CTNNA2: variants seen among roughly 807,000 people sequenced by gnomAD.
CTNNA2 encodes catenin alpha-2.
Under a neutral mutation model 101.0 loss-of-function variants are expected in CTNNA2, and 42 were observed. That is an observed-to-expected ratio of 0.42 (90% CI 0.32 to 0.54). CTNNA2 has a LOEUF of 0.54. Among genes scored for constraint, CTNNA2 ranks in the 20% least tolerant of loss-of-function variants. The pLI, the probability that CTNNA2 is intolerant of heterozygous loss-of-function variation, is 0.14. For missense variants in CTNNA2, 871 were observed against 1,223.1 expected (o/e 0.71, Z 4.29); for synonymous variants, 450 against 456.4 (o/e 0.99, Z 0.18).
rs1680101613 is a variant in CTNNA2 at position 79,844,979 on chromosome 2, T to TACACACACACACACACAG, written c.299-13017_299-13016insGACACACACACACACACA. On this transcript the variant is annotated intron_variant, in intron 3 of 18. Transcript: ENST00000402739. ...GGAGGGATAAAGAATGAAAACAAAC[T>TACACACACACACACACAG]ACACACACACACACACACACACATA... Among the ~76,000 whole-genome samples the TACACACACACACACACAG allele has an allele frequency of 3.6e-5, 5 of 140,214 alleles. No individual in the cohort carries two copies. In the Admixed American group the frequency reaches 3.6e-4, roughly 10 times the overall value. The allele number at this position is 140,214 out of a possible 152,430, so 92.0% of individuals were successfully genotyped here.
intron 4 of CTNNA2, among the ~76,000 whole-genome samples, chr2:79,388,783 C>CT (rs138737238): frequency 0.067 from 10,066 of 149,304 alleles, 1,084 homozygotes; most frequent in African/African-American, 0.23. Context: ...TCTCTCTCCT[C>CT]TTTTTTTTTT....
At position 79,989,990 on chromosome 2, in the gene CTNNA2, G is replaced by A. The variant is rs17018364; in HGVS notation, c.1056+80193G>A. 8.0e-3 allele frequency among the ~76,000 whole-genome samples: 1,214 copies of A among 152,258 alleles called. 9 individuals are homozygous for A. Among genetic ancestry groups the A allele is most frequent in the African/African-American group, 0.028 (1,143 of 41,546 alleles). On this transcript the variant is annotated intron_variant, in intron 7 of 18. Transcript: ENST00000402739. ...CCCCTAGCAGCTGATGTAATATTTGGACTTGGATCTCAAATTCATGAGGAT... is the reference window on the plus strand; with the variant it reads ...CCCCTAGCAGCTGATGTAATATTTGAACTTGGATCTCAAATTCATGAGGAT...
chr2:79,987,408 G>T (rs1691844800), intron 7 of CTNNA2, among the ~76,000 whole-genome samples: 1 of 152,188 alleles, frequency 6.6e-6, no homozygotes, highest in Non-Finnish European at 1.5e-5. Context: ...CTGGGTTCAA[G>T]TCCCACCTGT....
intron 4 of CTNNA2, among the ~76,000 whole-genome samples, chr2:79,444,478 G>A (rs1678810552): frequency 6.6e-6 from 1 of 152,072 alleles, no homozygotes; most frequent in Non-Finnish European, 1.5e-5. Context: ...AAGAAGAGAA[G>A]TAACTAGAAA....
rs78716737 is a variant in CTNNA2 at position 79,593,672 on chromosome 2, C to T, written c.-5-57880C>T. Among the ~76,000 whole-genome samples the T allele has an allele frequency of 4.1e-3, 619 of 152,172 alleles. 4 individuals are homozygous for T. Among genetic ancestry groups the T allele is most frequent in the African/African-American group, 0.014 (577 of 41,534 alleles). ...CAGTGTGGCTGAAATGCTGACTCAGCATCTTTCTTGTGTCTGTCACTCCCC... is the reference window on the plus strand; with the variant it reads ...CAGTGTGGCTGAAATGCTGACTCAGTATCTTTCTTGTGTCTGTCACTCCCC... On this transcript the variant is annotated intron_variant, in intron 1 of 18. Coordinates refer to ENST00000402739, the MANE Select transcript of CTNNA2 (RefSeq NM_001282597.3).
intron 3 of CTNNA2, among the ~76,000 whole-genome samples, chr2:79,750,871 CA>C (rs561864179): frequency 2.5e-3 from 288 of 113,228 alleles, no homozygotes; most frequent in Admixed American, 3.0e-3. Flanking sequence ...GACTCTGTCT[CA>C]AAAAAAAAAA....
At chr2:80,544,269 G>A (rs1446047180) in intron 9 of CTNNA2, among the ~76,000 whole-genome samples, 2 of 151,468 alleles carry the variant, frequency 1.3e-5, no homozygotes, top group Admixed American at 1.3e-4. Flanking sequence ...GGGAAAAGAA[G>A]ACATTCAAAT....
intron 4 of CTNNA2, among the ~76,000 whole-genome samples, chr2:79,375,025 A>G (rs1361067091): frequency 1.3e-5 from 2 of 152,164 alleles, no homozygotes; most frequent in Non-Finnish European, 2.9e-5. Flanking sequence ...AGCATAATAG[A>G]GTTGCTCATT....
At chr2:80,423,403 ATACTC>A (rs1680707269) in intron 9 of CTNNA2, among the ~76,000 whole-genome samples, 1 of 152,220 alleles carries the variant, frequency 6.6e-6, no homozygotes, top group Admixed American at 6.5e-5. Flanking sequence ...TGGGTCCAAT[ATACTC>A]AAAACTTATA....
chr2:79,405,906 G>A (rs1027793870), intron 4 of CTNNA2, among the ~76,000 whole-genome samples: 2 of 151,984 alleles, frequency 1.3e-5, no homozygotes, highest in Non-Finnish European at 2.9e-5. Flanking sequence ...TTGTGGATGG[G>A]TCATCTGTCT....
chr2:79,403,961 A>G (rs981195315), intron 4 of CTNNA2, among the ~76,000 whole-genome samples: 1 of 151,992 alleles, frequency 6.6e-6, no homozygotes, highest in African/African-American at 2.4e-5. Context: ...AAACAGTCAC[A>G]GTCCTGGATG....
At chr2:79,422,099 G>C (rs1464102826) in intron 4 of CTNNA2, among the ~76,000 whole-genome samples, 1 of 152,168 alleles carries the variant, frequency 6.6e-6, no homozygotes, top group Non-Finnish European at 1.5e-5. Flanking sequence ...GTTGCAGTGA[G>C]CTGAGATCGC....
At chr2:79,580,229 C>G (rs749910765) in intron 1 of CTNNA2, among the ~76,000 whole-genome samples, 2 of 152,060 alleles carry the variant, frequency 1.3e-5, no homozygotes, top group Admixed American at 1.3e-4. Context: ...AATCATGAAT[C>G]CTGACAAGCA....
chr2:80,089,524 A>T (rs1227083355), intron 7 of CTNNA2, among the ~76,000 whole-genome samples: 1 of 151,502 alleles, frequency 6.6e-6, no homozygotes, highest in Non-Finnish European at 1.5e-5. Context: ...ACGCTCATAG[A>T]TACTTTTTTT....
chr2:79,414,167 C>T (rs957475801), intron 4 of CTNNA2, among the ~76,000 whole-genome samples: 4 of 151,852 alleles, frequency 2.6e-5, no homozygotes, highest in Non-Finnish European at 4.4e-5. Flanking sequence ...TGAAAAGCTA[C>T]TCCCTTTCTC....
At chr2:80,191,585 TATATA>T (rs1387122955) in intron 7 of CTNNA2, among the ~76,000 whole-genome samples, 1 of 152,190 alleles carries the variant, frequency 6.6e-6, no homozygotes, top group African/African-American at 2.4e-5. Flanking sequence ...GTAATCTCAG[TATATA>T]CTCAACTTCA....
intron 2 of CTNNA2, among the ~76,000 whole-genome samples, chr2:79,668,645 C>T (rs1458905459): frequency 6.6e-6 from 1 of 152,172 alleles, no homozygotes; most frequent in Non-Finnish European, 1.5e-5. Context: ...TTATATAACT[C>T]TTTCCACAAT....
In CTNNA2 at chr2:79,340,561, T is replaced by C. The variant is rs145056187; in HGVS notation, c.-318+27765T>C. Among the ~76,000 whole-genome samples the C allele has an allele frequency of 4.0e-3, 604 of 152,168 alleles. 1 individual carries two copies. Among genetic ancestry groups the C allele is most frequent in the Middle Eastern group, 0.02 (6 of 294 alleles). On this transcript the variant is annotated intron_variant, in intron 3 of 21. Coordinates refer to the CTNNA2 transcript ENST00000466387. ...TAAAAGGAATACATGAGGCCGGGCG[T>C]GGTGGCTCACGCCTGTAATCCCAGC...
intron 6 of CTNNA2, among the ~76,000 whole-genome samples, chr2:79,899,538 T>A (rs1047225794): frequency 1.3e-5 from 2 of 152,170 alleles, no homozygotes; most frequent in Admixed American, 1.3e-4. Flanking sequence ...AAGCTTCTTC[T>A]CAAAAACGAA....
Sources: allele counts gnomAD v4.1 joint callset (sites outside exome capture counted in the v4.1 genomes callset), GRCh38; gene constraint gnomAD v4.1.1; transcripts MANE v1.5; gene names NCBI Gene and HGNC (gene_info 2026-07-23, HGNC 2026-07-21).